Variants in SLC5A11 observed in about 807,000 individuals in gnomAD.
SLC5A11 encodes the protein solute carrier family 5 member 11, also known as sodium/myo-inositol cotransporter 2.
Under a neutral mutation model 69.8 loss-of-function variants are expected in SLC5A11, and 48 were observed. The observed-to-expected ratio is 0.69, with a 90% CI of 0.55 to 0.87. SLC5A11 has a LOEUF of 0.87. Ranked by LOEUF, SLC5A11 falls within the 40% of genes least tolerant of loss-of-function variation. SLC5A11 has a pLI of 0.00. For synonymous variants in SLC5A11, 319 were observed against 342.4 expected (o/e 0.93, Z 0.75); for missense variants, 784 against 866.1 (o/e 0.91, Z 1.19).
At chr16:24,910,533 A>ACT (rs2050441217) in intron 15 of SLC5A11, 56 bp downstream of exon 16, 3 of 1,327,816 alleles carry the variant, frequency 2.3e-6, no homozygotes, top group African/African-American at 3.0e-5. Flanking sequence ...AAAGGGATTG[A>ACT]TTTTTTTTTT....
chr16:24,875,620 C>A lies in SLC5A11; in HGVS notation c.373-7C>A, dbSNP rs778132196. On this transcript the variant is annotated splice_region_variant and splice_polypyrimidine_tract_variant and intron_variant, in intron 5 of 15. Transcript: ENST00000347898. ...GCTGGTGGTGAAATCTCAGCTCTGG[C>A]CCTCAGGTCACCACGATGCCAGAAT... 3.1e-6 allele frequency: 5 copies of A among 1,612,050 alleles called. No homozygotes were observed. The African/African-American group carries it at 6.7e-5, about 22-fold the overall frequency.
chr16:24,883,894 G>A (rs1000280890), intron 7 of SLC5A11, among the ~76,000 whole-genome samples, 157 bp from the exon 9 acceptor site: 1 of 152,220 alleles, frequency 6.6e-6, no homozygotes, highest in Non-Finnish European at 1.5e-5. Context: ...TGCAAAATGG[G>A]CGTGCACACA....
intron 9 of SLC5A11, among the ~76,000 whole-genome samples, chr16:24,892,418 C>T (rs2048872875): frequency 6.7e-6 from 1 of 148,494 alleles, no homozygotes; most frequent in African/African-American, 2.5e-5. Flanking sequence ...AAAGCAGATC[C>T]ATGTGTACAA....
exon 14 of SLC5A11, chr16:24,908,907 C>T (rs1442156503): frequency 6.2e-7 from 1 of 1,613,932 alleles, no homozygotes; most frequent in African/African-American, 1.3e-5. Flanking sequence ...TGATCTCGGG[C>T]CTGCTCCTGG....
chr16:24,901,272 G>A (rs1056386580), intron 10 of SLC5A11, among the ~76,000 whole-genome samples: 4 of 152,062 alleles, frequency 2.6e-5, no homozygotes, highest in African/African-American at 9.7e-5. Context: ...TATATGGTAG[G>A]TACTATTATA....
exon 2 of SLC5A11, chr16:24,858,719 C>A (rs759874278): frequency 1.2e-5 from 20 of 1,611,736 alleles, no homozygotes; most frequent in Non-Finnish European, 1.7e-5. Flanking sequence ...GGGCTTGGAG[C>A]CTGGGGACAT....
chr16:24,894,739 G>A (rs772465742), intron 9 of SLC5A11, among the ~76,000 whole-genome samples: 31 of 151,912 alleles, frequency 2.0e-4, no homozygotes, highest in Non-Finnish European at 3.7e-4. Context: ...GGCGGAGCTT[G>A]CAGTGAACCC....
chr16:24,855,785 C>T (rs1003837517), intron 1 of SLC5A11, among the ~76,000 whole-genome samples: 3 of 152,160 alleles, frequency 2.0e-5, no homozygotes, highest in Admixed American at 6.5e-5. Context: ...CTATGAGGAA[C>T]GGGCCCTCAC....
At chr16:24,879,098 A>G (rs748927784) in intron 7 of SLC5A11, among the ~76,000 whole-genome samples, 2 of 152,102 alleles carry the variant, frequency 1.3e-5, no homozygotes, top group African/African-American at 2.4e-5. Flanking sequence ...ATAAGGAAAA[A>G]TTAATTGGGG....
chr16:24,875,548 G>A, intron 5 of SLC5A11, 79 bp from the exon 7 acceptor site: 1 of 1,131,644 alleles, frequency 8.8e-7, no homozygotes, highest in East Asian at 2.5e-5. Flanking sequence ...GGCAGGAGCA[G>A]ATGGGAAGGG....
chr16:24,877,137 T>A (rs1478381621), intron 6 of SLC5A11, 121 bp from the exon 8 acceptor site: 1 of 1,528,972 alleles, frequency 6.5e-7, no homozygotes, highest in African/African-American at 1.4e-5. Context: ...GGATGACGTA[T>A]GACTCTTCTG....
chr16:24,898,765 AC>A (rs2049372357), intron 10 of SLC5A11, among the ~76,000 whole-genome samples: 1 of 151,672 alleles, frequency 6.6e-6, no homozygotes, highest in East Asian at 1.9e-4. Flanking sequence ...TGATCCACCC[AC>A]CTTGGCCTCC....
At chr16:24,896,857 A>G (rs568304956) in intron 9 of SLC5A11, among the ~76,000 whole-genome samples, 2 of 148,014 alleles carry the variant, frequency 1.4e-5, no homozygotes, top group Admixed American at 1.4e-4. Context: ...TTCCCATATC[A>G]TGGCAGAGAT....
chr16:24,858,462 G>A, intron 1 of SLC5A11, among the ~76,000 whole-genome samples, 158 bp from the exon 3 acceptor site: 1 of 152,216 alleles, frequency 6.6e-6, no homozygotes, highest in East Asian at 1.9e-4. Flanking sequence ...ATGGTGGATG[G>A]ATCGATGGAT....
At chr16:24,858,799 A>T (rs1473123152) in intron 2 of SLC5A11, 21 bp downstream of exon 3, 2 of 1,603,644 alleles carry the variant, frequency 1.2e-6, no homozygotes, top group African/African-American at 1.3e-5. Context: ...CCACTGGGGG[A>T]TGGGGGATGA....
intron 3 of SLC5A11, among the ~76,000 whole-genome samples, chr16:24,868,900 C>A (rs1382023403): frequency 6.9e-6 from 1 of 145,388 alleles, no homozygotes; most frequent in Non-Finnish European, 1.5e-5. Flanking sequence ...GAGACGGAGT[C>A]TCTGTCGTCC....
intron 3 of SLC5A11, among the ~76,000 whole-genome samples, chr16:24,863,942 T>TGGGC (rs2046758953): frequency 1.3e-5 from 2 of 152,254 alleles, no homozygotes; most frequent in Non-Finnish European, 2.9e-5. Flanking sequence ...CCCCACCTGC[T>TGGGC]GGGCTCATCT....
chr16:24,896,091 C>T (rs1232724100), intron 9 of SLC5A11, among the ~76,000 whole-genome samples: 5 of 148,918 alleles, frequency 3.4e-5, no homozygotes, highest in Non-Finnish European at 5.9e-5. Flanking sequence ...TGGTGGCTCA[C>T]GCCTATAATC....
intron 7 of SLC5A11, among the ~76,000 whole-genome samples, chr16:24,881,352 T>C (rs994799595): frequency 6.6e-6 from 1 of 152,078 alleles, no homozygotes. Context: ...AATGGTGCAA[T>C]CTTGGCACAC....
Sources: gnomAD v4.1 joint callset for allele counts (sites outside exome capture counted in the v4.1 genomes callset) on GRCh38, gnomAD v4.1.1 for gene constraint, MANE v1.5 for transcripts, NCBI Gene and HGNC (gene_info 2026-07-23, HGNC 2026-07-21) for gene names.